The following DOCK8 variants were observed in gnomAD, a reference collection of about 807,000 sequenced individuals.
DOCK8 encodes dedicator of cytokinesis protein 8.
In DOCK8, 141 loss-of-function variants were observed where a neutral mutation model predicts 245.6. That is an observed-to-expected ratio of 0.57 (90% CI 0.50 to 0.66). The LOEUF (loss-of-function observed/expected upper bound fraction) is 0.66. Ranked by LOEUF, DOCK8 falls within the 30% of genes least tolerant of loss-of-function variation. The pLI is 0.00. For missense variants in DOCK8, 2,965 were observed against 2,603.4 expected (o/e 1.14, Z -3.02); for synonymous variants, 1,168 against 970.2 (o/e 1.20, Z -3.79).
chr9:215,390 G>T (rs752162328), intron 1 of DOCK8: 1 of 1,581,660 alleles, frequency 6.3e-7, no homozygotes, highest in Non-Finnish European at 8.6e-7. Flanking sequence ...GCCACGGAGT[G>T]TCTCATAAAC....
intron 4 of DOCK8, among the ~76,000 whole-genome samples, chr9:300,037 A>G (rs980677770): frequency 2.7e-5 from 4 of 149,046 alleles, no homozygotes; most frequent in Non-Finnish European, 5.9e-5. Context: ...AAAAAAAAAG[A>G]TGGCCCATTG....
chr9:236,711 A>G (rs1288233011), intron 1 of DOCK8, among the ~76,000 whole-genome samples: 3 of 152,216 alleles, frequency 2.0e-5, no homozygotes, highest in Admixed American at 2.0e-4. Context: ...CGAAACCAAC[A>G]AAAACTTGTT....
chr9:415,633 G>C (rs2055961501), intron 29 of DOCK8, among the ~76,000 whole-genome samples: 2 of 151,618 alleles, frequency 1.3e-5, no homozygotes, highest in African/African-American at 4.9e-5. Context: ...CCTGAGAAAG[G>C]CAGTCCATTG....
chr9:311,764 A>G (rs1212423817), intron 5 of DOCK8, among the ~76,000 whole-genome samples, 190 bp from the exon 6 acceptor site: 1 of 152,156 alleles, frequency 6.6e-6, no homozygotes, highest in East Asian at 1.9e-4. Flanking sequence ...GAAGACATTT[A>G]ATTTTAGAGT....
In DOCK8 at chr9:327,188, G is replaced by C. The variant is rs528111520; in HGVS notation, c.895-834G>C. ...TTTATTCATACTCTAATCTCTCCCT[G>C]GCACATCATCACCTTCCACCCCTGC... On this transcript the variant is annotated intron_variant, in intron 8 of 47. Transcript: ENST00000432829. Among the ~76,000 whole-genome samples the C allele has an allele frequency of 3.4e-4, 52 of 152,204 alleles. 1 individual carries two copies. Among genetic ancestry groups the C allele is most frequent in the African/African-American group, 1.3e-3 (52 of 41,532 alleles).
chr9:305,872 C>T (rs1379916326), intron 5 of DOCK8, among the ~76,000 whole-genome samples: 3 of 152,146 alleles, frequency 2.0e-5, no homozygotes, highest in African/African-American at 7.2e-5. Context: ...AAAGTAGAAG[C>T]AGCCCAAGTA....
At chr9:343,327 C>A (rs1263930967) in intron 14 of DOCK8, among the ~76,000 whole-genome samples, 1 of 151,966 alleles carries the variant, frequency 6.6e-6, no homozygotes, top group Non-Finnish European at 1.5e-5. Context: ...ACCCCCATCT[C>A]TACAAAACAT....
intron 24 of DOCK8, 61 bp from the exon 25 acceptor site, chr9:396,724 C>A: frequency 6.2e-7 from 1 of 1,603,804 alleles, no homozygotes; most frequent in South Asian, 1.1e-5. Flanking sequence ...TCCCCCTTTT[C>A]TGCATTGTAC....
In DOCK8 at chr9:340,299, T is replaced by C; in HGVS notation, c.1657T>C (p.Tyr553His). The change falls in exon 14 of 48, where the codon TAT (tyrosine) becomes CAT (histidine). Residue 553 changes from tyrosine to histidine, a missense_variant. Coordinates refer to ENST00000432829, the MANE Select transcript of DOCK8 (RefSeq NM_203447.4). Reference sequence around the variant, plus strand: ...TTTGGAATTTCCAACACGAGAAGTATATGTCCCTCACACTGTGTACAGGTA... The same window carrying C: ...TTTGGAATTTCCAACACGAGAAGTACATGTCCCTCACACTGTGTACAGGTA... ...EILEFPTREV[Y>H]VPHTVYRNLL... 1.2e-6 allele frequency: 2 copies of C among 1,614,086 alleles called. No homozygotes were observed. Among genetic ancestry groups the C allele is most frequent in the Non-Finnish European group, 8.5e-7 (1 of 1,180,002 alleles).
chr9:377,654 G>A (rs1002738712), intron 20 of DOCK8, among the ~76,000 whole-genome samples: 4 of 152,180 alleles, frequency 2.6e-5, no homozygotes, highest in African/African-American at 7.2e-5. Context: ...CTATTTTAAA[G>A]TGTATAGTTC....
In DOCK8 at chr9:433,993, A is replaced by G; in HGVS notation, c.4886+18A>G. 1 of 1,560,610 alleles carries G rather than the reference A, an allele frequency of 6.4e-7. No individual in the cohort carries two copies. On this transcript the variant is annotated intron_variant, in intron 38 of 47. Transcript: ENST00000432829. ...ATGTACAGGTAAGCTTTCCTGACAC[A>G]CTCAAGGGACACCATTTGGGGGTCG...
chr9:241,915 G>T (rs543216822), intron 1 of DOCK8, among the ~76,000 whole-genome samples: 44 of 152,178 alleles, frequency 2.9e-4, no homozygotes, highest in Non-Finnish European at 5.6e-4. Flanking sequence ...CACCTGGCAT[G>T]GGATAGGTAA....
At chr9:371,657 AT>A in intron 17 of DOCK8, 91 bp downstream of exon 17, 3 of 1,560,634 alleles carry the variant, frequency 1.9e-6, no homozygotes, top group East Asian at 2.3e-5. Flanking sequence ...TATTCACTTG[AT>A]TTTTTCCAGT....
chr9:451,461 A>G (rs1011727483), intron 45 of DOCK8, among the ~76,000 whole-genome samples: 3 of 152,060 alleles, frequency 2.0e-5, no homozygotes, highest in African/African-American at 7.2e-5. Flanking sequence ...CATCACTACA[A>G]AAAAATACAA....
At chr9:303,265 C>T (rs982153474) in intron 4 of DOCK8, among the ~76,000 whole-genome samples, 1 of 152,096 alleles carries the variant, frequency 6.6e-6, no homozygotes, top group African/African-American at 2.4e-5. Context: ...TACCATTCAA[C>T]CCAGCAATCC....
intron 24 of DOCK8, 128 bp downstream of exon 24, chr9:390,694 A>T (rs2054153228): frequency 2.5e-6 from 2 of 813,188 alleles, no homozygotes; most frequent in East Asian, 5.2e-5. Context: ...AAATCTAATA[A>T]TCTCTCACCC....
At chr9:450,965 G>T (rs145418571) in intron 45 of DOCK8, among the ~76,000 whole-genome samples, 60 of 151,882 alleles carry the variant, frequency 4.0e-4, no homozygotes, top group African/African-American at 1.4e-3. Flanking sequence ...TGATGTAGTT[G>T]TATTACACTT....
intron 1 of DOCK8, chr9:215,419 A>G (rs778246420): frequency 1.3e-6 from 2 of 1,519,412 alleles, no homozygotes; most frequent in South Asian, 2.5e-5. Context: ...CCTTTGAGGC[A>G]AGTCTGAGCG....
intron 5 of DOCK8, among the ~76,000 whole-genome samples, chr9:311,035 T>C (rs891740418): frequency 2.0e-5 from 3 of 152,004 alleles, no homozygotes; most frequent in Admixed American, 6.6e-5. Flanking sequence ...CCTGTAATCC[T>C]AGCACTTTGG....
Sources: gnomAD v4.1 joint callset for allele counts (sites outside exome capture counted in the v4.1 genomes callset) on GRCh38, gnomAD v4.1.1 for gene constraint, MANE v1.5 for transcripts, NCBI Gene and HGNC (gene_info 2026-07-23, HGNC 2026-07-21) for gene names.